Variants in MLXIP observed in about 807,000 individuals in gnomAD.
The protein encoded by MLXIP is MLX-interacting protein.
In MLXIP, 30 loss-of-function variants were observed where a neutral mutation model predicts 87.2. The ratio of observed to expected loss-of-function variants is 0.34; its 90% CI spans 0.26 to 0.47. The LOEUF is 0.47. Ranked by LOEUF, MLXIP falls within the 20% of genes least tolerant of loss-of-function variation. MLXIP has a pLI of 1.00. For missense variants in MLXIP, 1,002 were observed against 1,240.1 expected, an observed-to-expected ratio of 0.81 and a Z score of 2.88; for synonymous variants, 530 against 514.0, an observed-to-expected ratio of 1.03 and a Z score of -0.42.
At chr12:122,117,664 T>TC (rs1952713764) in intron 1 of MLXIP, among the ~76,000 whole-genome samples, 1 of 152,244 alleles carries the variant, frequency 6.6e-6, no homozygotes, top group Non-Finnish European at 1.5e-5. Context: ...TGGTCTTTTT[T>TC]CCTTGTTTAT....
intron 1 of MLXIP, among the ~76,000 whole-genome samples, chr12:122,092,781 G>A (rs1260385959): frequency 6.6e-6 from 1 of 152,196 alleles, no homozygotes; most frequent in African/African-American, 2.4e-5. Flanking sequence ...TTTGGCTGGA[G>A]TTGAAACAAA....
chr12:122,096,734 C>T (rs558929779), intron 1 of MLXIP, among the ~76,000 whole-genome samples: 22 of 152,316 alleles, frequency 1.4e-4, no homozygotes, highest in African/African-American at 5.3e-4. Flanking sequence ...GCTTGCATGC[C>T]TTGTGGTGCT....
intron 1 of MLXIP, among the ~76,000 whole-genome samples, chr12:122,116,442 A>G (rs1261495371): frequency 1.3e-5 from 2 of 152,236 alleles, no homozygotes; most frequent in Non-Finnish European, 2.9e-5. Flanking sequence ...GCTAACGCGC[A>G]GGTTTTTAAT....
In MLXIP at chr12:122,101,732, C is replaced by CT. The variant is rs572630580; in HGVS notation, c.413+22466_413+22467insT. On this transcript the variant is annotated intron_variant, in intron 1 of 16. Transcript: ENST00000319080. ...AGTAGCTGGGATTACAGGCCCATGC[C>CT]ACCATGCCCAGCTACTTTTTGTATT... Among the ~76,000 whole-genome samples, 1,351 of 151,968 alleles carry CT rather than the reference C, an allele frequency of 8.9e-3. 18 individuals carry two copies. Among genetic ancestry groups the CT allele is most frequent in the African/African-American group, 0.019 (798 of 41,486 alleles).
rs570352548 is a variant in MLXIP at position 122,141,708 on chromosome 12, C to T, written c.2656C>T (p.Arg886Trp). 5.6e-6 allele frequency: 9 copies of T among 1,613,736 alleles called. No homozygotes were observed. Among genetic ancestry groups the T allele is most frequent in the South Asian group, 1.1e-5 (1 of 91,070 alleles). ...ILRPMVLSTL[R>W]QLSTSTSILT... ...TCTTGCAGTGGTATTGAGCACGCTG[C>T]GGCAGCTGAGCACCTCCACCTCCAT... is the stretch of plus-strand genomic sequence containing the variant. The change falls in exon 17 of 17, where the codon CGG (arginine) becomes TGG (tryptophan). Residue 886 changes from arginine (R) to tryptophan (W), a missense_variant. Around this residue, in one of 3 missense-constraint regions of MLXIP, gnomAD observed 746 missense variants for 897.0 expected, o/e 0.83. Coordinates refer to ENST00000319080, the MANE Select transcript of MLXIP (RefSeq NM_014938.6).
chr12:122,108,678 G>T (rs1337369724), intron 1 of MLXIP, among the ~76,000 whole-genome samples: 1 of 152,098 alleles, frequency 6.6e-6, no homozygotes, highest in Non-Finnish European at 1.5e-5. Context: ...TCATTAGTCC[G>T]TGAGCTCCTG....
intron 1 of MLXIP, among the ~76,000 whole-genome samples, chr12:122,093,510 GGT>G (rs1428193563): frequency 1.4e-5 from 2 of 141,930 alleles, no homozygotes; most frequent in South Asian, 2.5e-4. Flanking sequence ...TGTCTGTGTT[GGT>G]GTGTGTGGAG....
rs1334294616 is a variant in MLXIP, at chr12:122,142,397, T to G, written c.*585T>G. On this transcript the variant is annotated 3_prime_UTR_variant, in exon 17 of 17. Transcript: ENST00000319080. ...GGCAGGCTGCCAGGGGGAAGTGCCT[T>G]CTTCAGAGGTCCTCCAGGACACATG... The G allele has an allele frequency of 2.0e-6, 1 of 491,414 alleles. No individual in the cohort carries two copies. The highest frequency in any genetic ancestry group is 5.4e-5 in the East Asian group (1 of 18,566). The allele number at this position is 491,414 out of a possible 1,614,324, so 30.4% of individuals were successfully genotyped here.
chr12:122,124,404 GCCGTCCC>G (rs1952844390), intron 1 of MLXIP, among the ~76,000 whole-genome samples: 1 of 3,234 alleles, frequency 3.1e-4, no homozygotes, highest in Non-Finnish European at 4.6e-4. Flanking sequence ...CCCGCCCTCA[GCCGTCCC>G]CCACCTCAGC....
Position 122,107,203 on chromosome 12 carries a change from G to A in MLXIP, c.414-20053G>A, listed in dbSNP as rs537554279. Among the ~76,000 whole-genome samples, 15 of 152,228 alleles carry A rather than the reference G, an allele frequency of 9.9e-5. No individual in the cohort carries two copies. In the East Asian group the frequency reaches 1.7e-3, roughly 18 times the overall value. On this transcript the variant is annotated intron_variant, in intron 1 of 16. Coordinates refer to ENST00000319080, the MANE Select transcript of MLXIP (RefSeq NM_014938.6). ...ATCAGGCCCTTGGTGGCATTTCCTCGTGGCGGGAGCTGGGGGTTCAGGTGA... is the reference window on the plus strand; with the variant it reads ...ATCAGGCCCTTGGTGGCATTTCCTCATGGCGGGAGCTGGGGGTTCAGGTGA...
intron 3 of MLXIP, 138 bp downstream of exon 3, chr12:122,128,106 G>T: frequency 1.3e-6 from 1 of 743,038 alleles, no homozygotes; most frequent in Non-Finnish European, 2.2e-6. Flanking sequence ...CATGCCCTGG[G>T]GGCCAGGCCT....
Position 122,079,237 on chromosome 12 carries a change from G to C in MLXIP, c.384G>C (p.Lys128Asn). 6.4e-7 allele frequency: 1 copy of C among 1,551,026 alleles called. No homozygotes were observed. The highest frequency in any genetic ancestry group is 8.7e-7 in the Non-Finnish European group (1 of 1,146,674). The change falls in exon 1 of 17, where the codon AAG becomes AAC. Residue 128 changes from lysine (K) to asparagine (N), a missense_variant. Lys to Asn is a moderately conservative substitution (Grantham distance 94, BLOSUM62 0). Around this residue, in one of 3 missense-constraint regions of MLXIP, gnomAD observed 127 missense variants for 239.0 expected, o/e 0.53. Transcript: ENST00000319080. ...CHLSIDASLT[K>N]LFECMTLAYS... The stretch of plus-strand genomic sequence containing the variant: ...TGTCCATCGACGCCTCGCTCACCAA[G>C]CTCTTCGAGTGCATGACTTTGGCCT...
intron 12 of MLXIP, 21 bp from the exon 13 acceptor site, chr12:122,138,173 G>A (rs1206778244): frequency 6.3e-7 from 1 of 1,577,378 alleles, no homozygotes; most frequent in East Asian, 2.3e-5. Flanking sequence ...CTGTCTTAGT[G>A]ACCAGCGGGT....
chr12:122,086,505 G>C (rs989183962), intron 1 of MLXIP, among the ~76,000 whole-genome samples: 1 of 152,118 alleles, frequency 6.6e-6, no homozygotes, highest in African/African-American at 2.4e-5. Context: ...TTTTTTTAAA[G>C]GATTTATGTG....
intron 15 of MLXIP, among the ~76,000 whole-genome samples, chr12:122,139,972 C>A (rs1953168233): frequency 6.6e-6 from 1 of 152,220 alleles, no homozygotes; most frequent in South Asian, 2.1e-4. Context: ...CCGTGCCCGG[C>A]CATAAGAGGC....
chr12:122,085,791 C>A (rs1018571612), intron 1 of MLXIP, among the ~76,000 whole-genome samples: 1 of 152,092 alleles, frequency 6.6e-6, no homozygotes, highest in African/African-American at 2.4e-5. Flanking sequence ...GTGTTCGTAT[C>A]GTGGCTTGCT....
Position 122,143,519 on chromosome 12 carries a change from C to T in MLXIP, c.*1707C>T, listed in dbSNP as rs1953247352. 6.6e-6 allele frequency: 1 copy of T among 152,322 alleles called. No homozygotes were observed. The allele number at this position is 152,322 out of a possible 1,614,324, so 9.4% of individuals were successfully genotyped here. On this transcript the variant is annotated 3_prime_UTR_variant, in exon 17 of 17. Coordinates refer to ENST00000319080, the MANE Select transcript of MLXIP (RefSeq NM_014938.6). ...CTGGAAAATGGTAACAGACTCCATC[C>T]TTGACCCGGGGATGAGCATGAAGGC...
At chr12:122,106,351 A>C (rs1366386563) in intron 1 of MLXIP, among the ~76,000 whole-genome samples, 1 of 151,738 alleles carries the variant, frequency 6.6e-6, no homozygotes, top group Non-Finnish European at 1.5e-5. Context: ...ACTTCCATAC[A>C]CTCCACACAT....
At chr12:122,115,289 A>G (rs753200645) in intron 1 of MLXIP, among the ~76,000 whole-genome samples, 3 of 151,970 alleles carry the variant, frequency 2.0e-5, no homozygotes, top group Non-Finnish European at 4.4e-5. Context: ...AAGAAATTCT[A>G]AAGAAAAACC....
Sources: gnomAD v4.1 joint callset for allele counts (sites outside exome capture counted in the v4.1 genomes callset) on GRCh38, gnomAD v4.1.1 for gene constraint, gnomAD v4.1.1 regional missense constraint, MANE v1.5 for transcripts, NCBI Gene and HGNC (gene_info 2026-07-23, HGNC 2026-07-21) for gene names.